The following ATP13A1 variants were observed in gnomAD, a reference collection of about 807,000 sequenced individuals.
ATP13A1 encodes ATPase 13A1, also known as endoplasmic reticulum transmembrane helix translocase.
A neutral mutation model predicts 134.8 loss-of-function variants in ATP13A1; 55 were observed. That is an observed-to-expected ratio of 0.41 (90% CI 0.33 to 0.51). The LOEUF (loss-of-function observed/expected upper bound fraction) is 0.51. Among genes scored for constraint, ATP13A1 ranks in the 20% least tolerant of loss-of-function variants. The pLI, the probability that ATP13A1 is intolerant of heterozygous loss-of-function variation, is 0.29. For missense variants in ATP13A1, 1,389 were observed against 1,652.8 expected (o/e 0.84, Z 2.77); for synonymous variants, 775 against 725.1 (o/e 1.07, Z -1.10).
Position 19,647,741 on chromosome 19 carries a change from T to C in ATP13A1, c.2651A>G (p.Asn884Ser), listed in dbSNP as rs758449789. Reference sequence around the variant, plus strand: ...CCGCTCGACAACCCGCTCAGGGGCATTGGCCAAGAGCGCCACACCTGGGGG... The same window carrying C: ...CCGCTCGACAACCCGCTCAGGGGCACTGGCCAAGAGCGCCACACCTGGGGG... ...HADVGVALLA[N>S]APERVVERRR... Residue 884 changes from asparagine (N) to serine (S), a missense_variant, in exon 20 of 26, where the codon AAT (asparagine) becomes AGT (serine). Transcript: ENST00000357324. This position sits in a 1 kb window ranked among gnomAD's most constrained non-coding sequence, Gnocchi z 4.8. The C allele has an allele frequency of 1.6e-5, 25 of 1,602,280 alleles. No homozygotes were observed. The highest frequency in any genetic ancestry group is 1.2e-4 in the African/African-American group (9 of 74,888).
chr19:19,651,663 C>T, intron 17 of ATP13A1, 26 bp downstream of exon 17: 1 of 1,581,702 alleles, frequency 6.3e-7, no homozygotes, highest in Non-Finnish European at 8.6e-7. Flanking sequence ...CCCCCTTCCC[C>T]ACTGTGGGCC....
At chr19:19,654,511 C>T (rs1269329092) in intron 13 of ATP13A1, 32 bp downstream of exon 13, 1 of 1,572,734 alleles carries the variant, frequency 6.4e-7, no homozygotes, top group Non-Finnish European at 8.6e-7. Flanking sequence ...CAGTGGCTCC[C>T]CCTTGCTGGG....
chr19:19,650,281 T>C (rs959954004), intron 17 of ATP13A1: 3 of 354,092 alleles, frequency 8.5e-6, no homozygotes, highest in East Asian at 1.1e-4. Context: ...GCGCTCTCCT[T>C]GGGAAACCCC....
At chr19:19,660,971 C>G (rs551738118) in intron 1 of ATP13A1, among the ~76,000 whole-genome samples, 3 of 148,144 alleles carry the variant, frequency 2.0e-5, no homozygotes, top group Non-Finnish European at 3.0e-5. Flanking sequence ...CTCAGCTACT[C>G]GGGAGGCTGA....
chr19:19,651,566 T>C (rs2062024868), intron 17 of ATP13A1, 123 bp downstream of exon 17: 2 of 680,242 alleles, frequency 2.9e-6, no homozygotes, highest in Non-Finnish European at 4.8e-6. Flanking sequence ...CTGTGATTAG[T>C]GGTGCCAGGC....
rs1278791488 is a variant in ATP13A1, at chr19:19,663,662, G to A, written c.5C>T (p.Ala2Val). The part of the protein sequence containing the change: M[A>V]AAAAVGNAVP... ...CGCGTTGCCCACCGCCGCCGCTGCC[G>A]CCATCTTTCCTAGCGCCGCGCTCAC... The change falls in exon 1 of 26, where the codon GCG (alanine) becomes GTG (valine). Residue 2 changes from alanine (A) to valine (V), a missense_variant. Around this residue, in one of 4 missense-constraint regions of ATP13A1, gnomAD observed 293 missense variants for 270.8 expected, o/e 1.08. Transcript: ENST00000357324. 2.3e-6 allele frequency: 3 copies of A among 1,285,026 alleles called. No individual in the cohort carries two copies. Among genetic ancestry groups the A allele is most frequent in the South Asian group, 2.5e-5 (1 of 40,408 alleles). 79.6% of individuals were successfully genotyped at this position (1,285,026 alleles called of 1,614,324 possible).
At chr19:19,659,303 A>G (rs2062079408) in intron 3 of ATP13A1, among the ~76,000 whole-genome samples, 1 of 152,016 alleles carries the variant, frequency 6.6e-6, no homozygotes, top group Admixed American at 6.6e-5. Context: ...TAAAAATACA[A>G]AAATTAGCCA....
At position 19,653,712 on chromosome 19, in the gene ATP13A1, C is replaced by A; in HGVS notation, c.2100+72G>T. The A allele has an allele frequency of 7.4e-7, 1 of 1,342,934 alleles. No homozygotes were observed. Among genetic ancestry groups the A allele is most frequent in the Non-Finnish European group, 1.0e-6 (1 of 972,472 alleles). The allele number at this position is 1,342,934 out of a possible 1,614,324, so 83.2% of individuals were successfully genotyped here. A position where few individuals can be genotyped will look rare whatever the true frequency, so the allele number is the denominator to read the frequency against. On this transcript the variant is annotated intron_variant, in intron 15 of 25. Transcript: ENST00000357324. This position sits in a 1 kb window ranked among gnomAD's most constrained non-coding sequence, Gnocchi z 4.2. ...AACCATTCAACCTGGCACTGTGGGACACAGGAGGTGACTCAGGGAGGAGCT... is the reference window on the plus strand; with the variant it reads ...AACCATTCAACCTGGCACTGTGGGAAACAGGAGGTGACTCAGGGAGGAGCT...
Position 19,660,002 on chromosome 19 carries a change from GA to G in ATP13A1, c.397-16del, listed in dbSNP as rs1568430749. The G allele has an allele frequency of 4.5e-6, 7 of 1,553,102 alleles. No homozygotes were observed. In the South Asian group the frequency reaches 7.2e-5, roughly 16 times the overall value. On this transcript the variant is annotated splice_polypyrimidine_tract_variant and intron_variant, in intron 1 of 25. Transcript: ENST00000357324. ...GGGTCGTACTCCTGACAGAGACAAA[GA>G]AAGCATTGTGGCTTAGCTCTTCTCA...
In ATP13A1 at chr19:19,655,733, T is replaced by C. The variant is rs559327834; in HGVS notation, c.1270-79A>G. 1 of 1,553,810 alleles carries C rather than the reference T, an allele frequency of 6.4e-7. No homozygotes were observed. Among genetic ancestry groups the C allele is most frequent in the South Asian group, 1.2e-5 (1 of 84,908 alleles). Reference sequence around the variant, plus strand: ...AGGCCTGGAAGCGTGGGCCTGGTCTTGGGGTGGCCTCTGCACCCTGGCCCA... The same window carrying C: ...AGGCCTGGAAGCGTGGGCCTGGTCTCGGGGTGGCCTCTGCACCCTGGCCCA... On this transcript the variant is annotated intron_variant, in intron 9 of 25. Transcript: ENST00000357324. The surrounding 1 kb of genome is among the most constrained non-coding windows in gnomAD (Gnocchi z 5.7).
At position 19,654,127 on chromosome 19, in the gene ATP13A1, G is replaced by A; in HGVS notation, c.1831C>T (p.Arg611Ter). 1 of 1,588,590 alleles carries A rather than the reference G, an allele frequency of 6.3e-7. No individual in the cohort carries two copies. Among genetic ancestry groups the A allele is most frequent in the Non-Finnish European group, 8.6e-7 (1 of 1,167,582 alleles). The change falls in exon 14 of 26, where the codon CGA becomes TGA. Residue 611 changes from arginine to a stop codon, truncating the protein, a stop_gained. Coordinates refer to ENST00000357324, the MANE Select transcript of ATP13A1 (RefSeq NM_020410.3). LOFTEE classifies it high-confidence loss of function. ...TTCAGCCCCTGAGTTTTAATACTTC[G>A]GGGGAATACTTTCTCATCTGGAAAC... ...TLTKDEKVFP[R>*]SIKTQGLKIH...
chr19:19,658,537 A>C (rs192898800), intron 3 of ATP13A1, among the ~76,000 whole-genome samples: 1 of 152,338 alleles, frequency 6.6e-6, no homozygotes, highest in African/African-American at 2.4e-5. Flanking sequence ...ACATATTTGT[A>C]ATCTCTGAAC....
At chr19:19,654,901 T>C (rs570260659) in intron 12 of ATP13A1, among the ~76,000 whole-genome samples, 1 of 152,314 alleles carries the variant, frequency 6.6e-6, no homozygotes, top group South Asian at 2.1e-4. Context: ...GGTCATGTGG[T>C]GCATGGCTGG....
chr19:19,654,346 C>A (rs1266844018), intron 13 of ATP13A1, among the ~76,000 whole-genome samples, 197 bp downstream of exon 13: 6 of 152,166 alleles, frequency 3.9e-5, no homozygotes, highest in Non-Finnish European at 8.8e-5. Context: ...CAGGGCAGGG[C>A]AGATTCCAAC....
At chr19:19,654,787 T>C in intron 12 of ATP13A1, 87 bp from the exon 13 acceptor site, 2 of 1,465,594 alleles carry the variant, frequency 1.4e-6, no homozygotes, top group South Asian at 2.6e-5. Flanking sequence ...CCCAAGGCCA[T>C]TCATTCCGTG....
intron 3 of ATP13A1, among the ~76,000 whole-genome samples, chr19:19,658,145 T>C (rs2062071300): frequency 1.0e-5 from 1 of 98,860 alleles, no homozygotes; most frequent in African/African-American, 4.4e-5. Flanking sequence ...TAAGACCCTG[T>C]CTCCAAAAAA....
chr19:19,658,149 C>CAAAA (rs61328844), intron 3 of ATP13A1, among the ~76,000 whole-genome samples: 32 of 66,286 alleles, frequency 4.8e-4, no homozygotes, highest in African/African-American at 1.3e-3. Flanking sequence ...ACCCTGTCTC[C>CAAAA]AAAAAAAAAA....
rs1002923175 is a variant in ATP13A1, at chr19:19,649,570, C to T, written c.2629G>A (p.Val877Met). ...NDVGALKHAD[V>M]GVALLANAPE... The stretch of plus-strand genomic sequence containing the variant: ...TACCCTAGCCCACAGCACTCACCCA[C>T]GTCAGCATGCTTCAGGGCGCCCACG... Residue 877 changes from valine (V) to methionine (M), a missense_variant, in exon 19 of 26, where the codon GTG becomes ATG. Physicochemically the swap from Val to Met is conservative, Grantham distance 21. Around this residue, in one of 4 missense-constraint regions of ATP13A1, gnomAD observed 747 missense variants for 956.1 expected, o/e 0.78. Coordinates refer to ENST00000357324, the MANE Select transcript of ATP13A1 (RefSeq NM_020410.3). 5.0e-6 allele frequency: 8 copies of T among 1,613,256 alleles called. No homozygotes were observed. Among genetic ancestry groups the T allele is most frequent in the Non-Finnish European group, 5.9e-6 (7 of 1,179,632 alleles).
intron 16 of ATP13A1, 23 bp downstream of exon 16, chr19:19,652,571 GT>G: frequency 3.7e-6 from 6 of 1,601,228 alleles, no homozygotes; most frequent in Non-Finnish European, 5.1e-6. Context: ...CATGCAGAGG[GT>G]GGAGCCGAGC....
Sources: gnomAD v4.1 joint callset for allele counts (sites outside exome capture counted in the v4.1 genomes callset) on GRCh38, gnomAD v4.1.1 for gene constraint, gnomAD v4.1.1 regional missense constraint, Gnocchi (gnomAD v3.1) non-coding constraint, MANE v1.5 for transcripts, NCBI Gene and HGNC (gene_info 2026-07-23, HGNC 2026-07-21) for gene names.